Variants in VWA5B1 observed in about 807,000 individuals in gnomAD.
VWA5B1 encodes von Willebrand factor A domain containing 5B1.
A neutral mutation model predicts 118.2 loss-of-function variants in VWA5B1; 115 were observed. The observed-to-expected ratio is 0.97, with a 90% confidence interval of 0.84 to 1.14. VWA5B1 has a LOEUF of 1.14. Among genes scored for constraint, VWA5B1 ranks in the 50% most tolerant of loss-of-function variants. The pLI, the probability that VWA5B1 is intolerant of heterozygous loss-of-function variation, is 0.00. For synonymous variants in VWA5B1, 682 were observed against 658.4 expected (o/e 1.04, Z -0.55); for missense variants, 1,596 against 1,603.8 (o/e 1.00, Z 0.08).
Position 20,317,656 on chromosome 1 carries a change from T to A in VWA5B1, c.690T>A (p.Arg230=), listed in dbSNP as rs369226046. 2.0e-4 allele frequency: 303 copies of A among 1,551,164 alleles called. No individual in the cohort carries two copies. Among genetic ancestry groups the A allele is most frequent in the Admixed American group, 1.1e-3 (55 of 50,906 alleles). Residue 230 remains arginine (R), a synonymous_variant, in exon 5 of 22, where the codon CGT becomes CGA. Transcript: ENST00000289815. ...AGTTCAACTTCCAGCTGGAGATCCG[T>A]GGGCCATGTCTGCTCGCAGGTGAGA... The part of the protein sequence containing the change: ...EYEFNFQLEI[R]GPCLLAGVES...
At position 20,356,883 on chromosome 1, in the gene VWA5B1, C is replaced by T. The variant is rs146119842; in HGVS notation, c.*2620C>T. ...GACATGCAGCCTCAAAAACGTGCTA[C>T]CGGGACTGCTAGGCAGAGGACCTAG... On this transcript the variant is annotated 3_prime_UTR_variant, in exon 22 of 22. Transcript: ENST00000289815. Among the ~76,000 whole-genome samples, 240 of 152,312 alleles carry T rather than the reference C, an allele frequency of 1.6e-3. No individual in the cohort carries two copies. Among genetic ancestry groups the T allele is most frequent in the Middle Eastern group, 3.4e-3 (1 of 294 alleles).
chr1:20,296,688 T>C (rs2088412558), intron 1 of VWA5B1, among the ~76,000 whole-genome samples: 1 of 152,270 alleles, frequency 6.6e-6, no homozygotes, highest in African/African-American at 2.4e-5. Context: ...AACTATAATC[T>C]TATTTTGGTC....
intron 5 of VWA5B1, chr1:20,318,352 A>G: frequency 1.7e-6 from 1 of 588,570 alleles, no homozygotes; most frequent in Non-Finnish European, 3.0e-6. Flanking sequence ...AACTCCTCCG[A>G]CCCCCACTAG....
In VWA5B1 at chr1:20,332,820, G is replaced by A. The variant is rs1214990250; in HGVS notation, c.1627G>A (p.Glu543Lys). 1 of 1,551,788 alleles carries A rather than the reference G, an allele frequency of 6.4e-7. No individual in the cohort carries two copies. The highest frequency in any genetic ancestry group is 1.4e-5 in the African/African-American group (1 of 73,176). The change falls in exon 12 of 22, where the codon GAG becomes AAG. Residue 543 changes from glutamate to lysine, a missense_variant. By Grantham distance (56) the Glu-to-Lys change is moderately conservative (BLOSUM62 1). Coordinates refer to ENST00000289815, the MANE Select transcript of VWA5B1 (RefSeq NM_001039500.3). ...MAPVLSDVTV[E>K]WIFPETTEVL... ...CCCAGTCCTGAGCGATGTGACTGTG[G>A]AGTGGATCTTCCCTGAGACCACTGA...
rs191108966 is a variant in VWA5B1 at position 20,356,554 on chromosome 1, G to A, written c.*2291G>A. On this transcript the variant is annotated 3_prime_UTR_variant, in exon 22 of 22. Transcript: ENST00000289815. ...CAATGGCCAGGGCTTGAGGTGAACC[G>A]GTCTCTGCCAGCATAGAACTAGTGC... Among the ~76,000 whole-genome samples, 56 of 152,234 alleles carry A rather than the reference G, an allele frequency of 3.7e-4. 1 individual carries two copies. The highest frequency in any genetic ancestry group is 1.3e-3 in the African/African-American group (52 of 41,538).
At chr1:20,328,687 C>T (rs908369667) in intron 9 of VWA5B1, among the ~76,000 whole-genome samples, 2 of 152,146 alleles carry the variant, frequency 1.3e-5, no homozygotes, top group African/African-American at 2.4e-5. Flanking sequence ...ATGGGAGGGT[C>T]GCTTGAGCCT....
rs185329230 is a variant in VWA5B1 at position 20,302,340 on chromosome 1, C to G, written c.-26-8236C>G. ...TTCTCCCATTGTTAGATTCTTCAGACGAACCTGTAGCCAAGTCCTATATCC... is the reference window on the plus strand; with the variant it reads ...TTCTCCCATTGTTAGATTCTTCAGAGGAACCTGTAGCCAAGTCCTATATCC... On this transcript the variant is annotated intron_variant, in intron 1 of 21. Transcript: ENST00000289815. Among the ~76,000 whole-genome samples the G allele has an allele frequency of 4.9e-4, 74 of 152,368 alleles. 2 individuals carry two copies. The Middle Eastern group carries it at 0.027, about 56-fold the overall frequency.
At chr1:20,301,003 C>G (rs972815270) in intron 1 of VWA5B1, among the ~76,000 whole-genome samples, 1 of 152,234 alleles carries the variant, frequency 6.6e-6, no homozygotes, top group Non-Finnish European at 1.5e-5. Context: ...ACCTCTGCCA[C>G]CCCACAAAGC....
intron 16 of VWA5B1, among the ~76,000 whole-genome samples, chr1:20,344,998 G>C (rs2089977184): frequency 6.6e-6 from 1 of 152,104 alleles, no homozygotes; most frequent in African/African-American, 2.4e-5. Flanking sequence ...GTGACCCTCA[G>C]CTCACCACTC....
At position 20,319,442 on chromosome 1, in the gene VWA5B1, A is replaced by C. The variant is rs1424311405; in HGVS notation, c.902A>C (p.Gln301Pro). ...KGDMTLGEFD[Q>P]HLKGRTDFIK... ...GACATGACCCTGGGAGAGTTTGACCAGCACTTGAAGGGAAGAACAGATTTC... is the reference window on the plus strand; with the variant it reads ...GACATGACCCTGGGAGAGTTTGACCCGCACTTGAAGGGAAGAACAGATTTC... Residue 301 changes from glutamine (Q) to proline (P), a missense_variant, in exon 7 of 22, where the codon CAG becomes CCG. Physicochemically the swap from Gln to Pro is moderately conservative, Grantham distance 76 (BLOSUM62 -1). Coordinates refer to ENST00000289815, the MANE Select transcript of VWA5B1 (RefSeq NM_001039500.3). 1 of 1,551,820 alleles carries C rather than the reference A, an allele frequency of 6.4e-7. No homozygotes were observed. Among genetic ancestry groups the C allele is most frequent in the Admixed American group, 2.0e-5 (1 of 51,014 alleles).
intron 7 of VWA5B1, among the ~76,000 whole-genome samples, 161 bp downstream of exon 7, chr1:20,319,667 G>A (rs568372226): frequency 5.9e-5 from 9 of 152,264 alleles, no homozygotes; most frequent in Admixed American, 3.9e-4. Context: ...GTGGGCCCCC[G>A]GGCACTGCAG....
chr1:20,331,232 A>G (rs1300168960), intron 11 of VWA5B1, among the ~76,000 whole-genome samples: 2 of 152,220 alleles, frequency 1.3e-5, no homozygotes, highest in African/African-American at 4.8e-5. Flanking sequence ...GCTGGACAAG[A>G]TGAGGCTCCT....
rs1460853989 is a variant in VWA5B1, at chr1:20,336,313, G to A, written c.1769G>A (p.Arg590His). The A allele has an allele frequency of 1.7e-5, 25 of 1,461,574 alleles. No individual in the cohort carries two copies. In the Admixed American group the frequency reaches 3.1e-4, roughly 18 times the overall value. 90.5% of individuals were successfully genotyped at this position (1,461,574 alleles called of 1,614,324 possible). A position where few individuals can be genotyped will look rare whatever the true frequency, so the allele number is the denominator to read the frequency against. Residue 590 changes from arginine to histidine, a missense_variant, in exon 13 of 22, where the codon CGC becomes CAC. Arg to His is a conservative substitution (Grantham distance 29, BLOSUM62 0). Transcript: ENST00000289815. ...HISNPRSDKR[R>H]RYSMLHSQES... ...TGTTTCTCCCTACAGGACAAGAGGC[G>A]CCGGTACAGCATGCTGCACTCTCAG...
chr1:20,317,444 A>G (rs2100863335), intron 4 of VWA5B1, 86 bp from the exon 5 acceptor site: 3 of 1,489,106 alleles, frequency 2.0e-6, no homozygotes, highest in African/African-American at 1.4e-5. Context: ...GCTGCCTGGA[A>G]CTCATCGTCC....
intron 1 of VWA5B1, among the ~76,000 whole-genome samples, chr1:20,295,553 C>T (rs1255832263): frequency 6.6e-6 from 1 of 152,136 alleles, no homozygotes; most frequent in African/African-American, 2.4e-5. Flanking sequence ...GCAAGGGTCC[C>T]CGGGTGTCTC....
At chr1:20,295,315 G>A (rs2088383380) in intron 1 of VWA5B1, among the ~76,000 whole-genome samples, 1 of 152,138 alleles carries the variant, frequency 6.6e-6, no homozygotes, top group South Asian at 2.1e-4. Context: ...CTGCAAAGGG[G>A]GATTGTGGGG....
chr1:20,328,458 G>A (rs564869716), intron 9 of VWA5B1, among the ~76,000 whole-genome samples: 2 of 152,218 alleles, frequency 1.3e-5, no homozygotes, highest in South Asian at 4.2e-4. Context: ...AAGATACTGT[G>A]TGAAACAAGA....
chr1:20,348,095 TA>T (rs2090045160), intron 17 of VWA5B1, 149 bp from the exon 18 acceptor site: 2 of 769,272 alleles, frequency 2.6e-6, no homozygotes, highest in African/African-American at 1.8e-5. Flanking sequence ...TTTCTGACTC[TA>T]AAGCTTATGG....
intron 20 of VWA5B1, 117 bp downstream of exon 20, chr1:20,351,043 G>A (rs1245219212): frequency 9.9e-7 from 1 of 1,010,608 alleles, no homozygotes; most frequent in African/African-American, 1.6e-5. Context: ...ATTTAGGCAG[G>A]TGTCGTAAAG....
Sources: allele counts gnomAD v4.1 joint callset (sites outside exome capture counted in the v4.1 genomes callset), GRCh38; gene constraint gnomAD v4.1.1; transcripts MANE v1.5; gene names NCBI Gene and HGNC (gene_info 2026-07-23, HGNC 2026-07-21).